The following KIRREL1 variants were observed in gnomAD, a reference collection of about 807,000 sequenced individuals.
KIRREL1 encodes the protein kirre like nephrin family adhesion molecule 1, also known as kin of IRRE-like protein 1.
Under a neutral mutation model 83.3 loss-of-function variants are expected in KIRREL1, and 25 were observed. The observed-to-expected ratio is 0.30, with a 90% CI of 0.22 to 0.42. The LOEUF (loss-of-function observed/expected upper bound fraction) is 0.42, where lower values mean the gene tolerates loss of function less well. Among genes scored for constraint, KIRREL1 ranks in the 10% least tolerant of loss-of-function variants. The pLI is 1.00. For missense variants in KIRREL1, 812 were observed against 1,032.3 expected (o/e 0.79, Z 2.92); for synonymous variants, 388 against 410.4 (o/e 0.95, Z 0.66).
At chr1:158,052,934 G>A (rs1660949686) in intron 1 of KIRREL1, among the ~76,000 whole-genome samples, 1 of 152,170 alleles carries the variant, frequency 6.6e-6, no homozygotes. Flanking sequence ...GGGAGCAAGA[G>A]AGAGAGGAGG....
chr1:158,058,401 T>C (rs1039763668), intron 1 of KIRREL1, among the ~76,000 whole-genome samples: 3 of 152,168 alleles, frequency 2.0e-5, no homozygotes, highest in South Asian at 2.1e-4. Flanking sequence ...GTGCTGTCTC[T>C]CCCTCCTCCC....
At chr1:158,004,059 A>G (rs559365992) in intron 1 of KIRREL1, among the ~76,000 whole-genome samples, 2 of 152,228 alleles carry the variant, frequency 1.3e-5, no homozygotes, top group Non-Finnish European at 2.9e-5. Flanking sequence ...CCTGTGGCAG[A>G]GTCAGCCTCT....
chr1:157,999,052 C>T (rs1209565667), intron 1 of KIRREL1, among the ~76,000 whole-genome samples: 1 of 152,136 alleles, frequency 6.6e-6, no homozygotes, highest in Non-Finnish European at 1.5e-5. Flanking sequence ...AGAAGAGCCA[C>T]ACCCTGCCTT....
chr1:158,084,592 C>T lies in KIRREL1; in HGVS notation c.510+13C>T. On this transcript the variant is annotated intron_variant, in intron 4 of 14. Transcript: ENST00000359209. ...TGTGGCCAGCACGGTGAGCTCCAGC[C>T]AGCTCCCCCAGCTCCTCCTGGGCCT... The T allele has an allele frequency of 6.5e-7, 1 of 1,550,160 alleles. No homozygotes were observed. Among genetic ancestry groups the T allele is most frequent in the Non-Finnish European group, 8.7e-7 (1 of 1,146,048 alleles).
intron 1 of KIRREL1, among the ~76,000 whole-genome samples, chr1:158,049,031 C>A (rs1005134397): frequency 6.6e-6 from 1 of 152,020 alleles, no homozygotes; most frequent in Non-Finnish European, 1.5e-5. Flanking sequence ...GAAGAGGGAG[C>A]ATTTGGGTTG....
intron 1 of KIRREL1, among the ~76,000 whole-genome samples, chr1:158,072,179 C>T (rs1250473716): frequency 6.6e-6 from 1 of 152,062 alleles, no homozygotes; most frequent in African/African-American, 2.4e-5. Context: ...CCTCCTCTCA[C>T]TGAGAGGAGG....
chr1:158,090,765 C>T (rs530580810), intron 10 of KIRREL1, among the ~76,000 whole-genome samples: 1 of 152,278 alleles, frequency 6.6e-6, no homozygotes, highest in Admixed American at 6.5e-5. Flanking sequence ...GTTAAAGGTA[C>T]GCCTAAAGAT....
intron 1 of KIRREL1, among the ~76,000 whole-genome samples, chr1:158,067,109 G>A (rs1055023103): frequency 2.0e-5 from 3 of 152,182 alleles, no homozygotes; most frequent in African/African-American, 7.2e-5. Flanking sequence ...AATGGGGCAG[G>A]TGGGAGTGTT....
chr1:158,038,943 G>C (rs1455108010), intron 1 of KIRREL1, among the ~76,000 whole-genome samples: 1 of 152,210 alleles, frequency 6.6e-6, no homozygotes, highest in Non-Finnish European at 1.5e-5. Context: ...AGACTATAAA[G>C]AACAGCTTTT....
intron 1 of KIRREL1, among the ~76,000 whole-genome samples, chr1:158,054,317 A>G (rs918473103): frequency 1.3e-4 from 20 of 151,954 alleles, no homozygotes; most frequent in South Asian, 2.1e-4. Flanking sequence ...CTGCTTAACC[A>G]TGATGGGATC....
At chr1:158,037,118 T>A (rs1660497093) in intron 1 of KIRREL1, among the ~76,000 whole-genome samples, 1 of 152,226 alleles carries the variant, frequency 6.6e-6, no homozygotes, top group African/African-American at 2.4e-5. Flanking sequence ...TTTGGAGTCC[T>A]GGACACCTGG....
At chr1:158,035,492 C>G (rs767831882) in intron 1 of KIRREL1, among the ~76,000 whole-genome samples, 4 of 152,102 alleles carry the variant, frequency 2.6e-5, no homozygotes, top group Non-Finnish European at 5.9e-5. Flanking sequence ...AAGGGGGAGA[C>G]AATTCATATA....
At chr1:158,047,745 G>C (rs112081799) in intron 1 of KIRREL1, among the ~76,000 whole-genome samples, 2 of 152,154 alleles carry the variant, frequency 1.3e-5, no homozygotes, top group African/African-American at 2.4e-5. Flanking sequence ...GCCAGAACCC[G>C]GTTCATGAGT....
intron 3 of KIRREL1, among the ~76,000 whole-genome samples, chr1:158,084,190 T>C (rs972649800): frequency 2.0e-5 from 3 of 151,856 alleles, no homozygotes; most frequent in Non-Finnish European, 2.9e-5. Flanking sequence ...GAAAATATTA[T>C]AGGCCAGGAA....
At chr1:158,077,009 T>A (rs1053752188) in intron 2 of KIRREL1, among the ~76,000 whole-genome samples, 5 of 152,210 alleles carry the variant, frequency 3.3e-5, no homozygotes, top group Non-Finnish European at 5.9e-5. Flanking sequence ...GCAGGCATAG[T>A]GGTTGCAGGC....
chr1:157,994,084 G>A (rs888872734), intron 1 of KIRREL1, among the ~76,000 whole-genome samples: 1 of 152,204 alleles, frequency 6.6e-6, no homozygotes, highest in African/African-American at 2.4e-5. Flanking sequence ...CCGGGGTTCC[G>A]GACGCCTGAG....
chr1:158,008,366 C>T (rs1285289059), intron 1 of KIRREL1, among the ~76,000 whole-genome samples: 2 of 152,162 alleles, frequency 1.3e-5, no homozygotes, highest in African/African-American at 4.8e-5. Flanking sequence ...GTCCACAGTG[C>T]TGGCTGCTGG....
intron 1 of KIRREL1, among the ~76,000 whole-genome samples, chr1:158,067,934 C>T (rs1232180526): frequency 1.3e-5 from 2 of 152,176 alleles, no homozygotes; most frequent in African/African-American, 2.4e-5. Context: ...TGTAAAATCC[C>T]ATCTGGTCCC....
chr1:158,015,517 A>G (rs1659804503), intron 1 of KIRREL1, among the ~76,000 whole-genome samples: 1 of 152,200 alleles, frequency 6.6e-6, no homozygotes, highest in Non-Finnish European at 1.5e-5. Context: ...TCACTGAGGA[A>G]TGCTTTAAGG....
Sources: gnomAD v4.1 joint callset for allele counts (sites outside exome capture counted in the v4.1 genomes callset) on GRCh38, gnomAD v4.1.1 for gene constraint, MANE v1.5 for transcripts, NCBI Gene and HGNC (gene_info 2026-07-23, HGNC 2026-07-21) for gene names.